The following PCDHGB2 variants were observed in gnomAD, a reference collection of about 807,000 sequenced individuals.
The protein encoded by PCDHGB2 is protocadherin gamma subfamily B, 2.
PCDHGB2 carries 55 observed loss-of-function variants against 59.3 expected under a neutral mutation model. That is an observed-to-expected ratio of 0.93 (90% CI 0.75 to 1.16). The LOEUF (loss-of-function observed/expected upper bound fraction) is 1.16, where lower values mean the gene tolerates loss of function less well. PCDHGB2 is among the 50% of genes most tolerant of loss of function. The pLI is 0.00. For synonymous variants in PCDHGB2, 516 were observed against 512.0 expected, an observed-to-expected ratio of 1.01 and a Z score of -0.11; for missense variants, 1,228 against 1,198.5, an observed-to-expected ratio of 1.02 and a Z score of -0.36.
At chr5:141,402,514 AAT>A (rs1200847622) in intron 1 of PCDHGB2, among the ~76,000 whole-genome samples, 1 of 152,218 alleles carries the variant, frequency 6.6e-6, no homozygotes, top group East Asian at 1.9e-4. Flanking sequence ...AATATTAAGC[AAT>A]GGTTTGTGAT....
At chr5:141,375,097 G>A in intron 1 of PCDHGB2, 1 of 1,613,904 alleles carries the variant, frequency 6.2e-7, no homozygotes, top group Non-Finnish European at 8.5e-7. Flanking sequence ...TAACTATCTT[G>A]GATGTCAATG....
intron 1 of PCDHGB2, chr5:141,374,330 A>T: frequency 6.2e-7 from 1 of 1,613,990 alleles, no homozygotes; most frequent in Non-Finnish European, 8.5e-7. Flanking sequence ...GCGAAACGGC[A>T]GCTTGGTCAC....
intron 2 of PCDHGB2, among the ~76,000 whole-genome samples, chr5:141,503,940 C>G (rs890249753): frequency 6.6e-6 from 1 of 152,218 alleles, no homozygotes; most frequent in Non-Finnish European, 1.5e-5. Flanking sequence ...TTCATGCCTT[C>G]AAGGCCTACC....
intron 1 of PCDHGB2, chr5:141,420,219 T>C: frequency 6.2e-7 from 1 of 1,607,100 alleles, no homozygotes. Flanking sequence ...GATAGCATGC[T>C]ACTGGCTAGC....
intron 1 of PCDHGB2, chr5:141,430,604 A>C (rs1288378907): frequency 7.8e-6 from 5 of 641,158 alleles, no homozygotes; most frequent in Non-Finnish European, 1.2e-5. Context: ...CGCCTGAAGC[A>C]CAAAGCAGAT....
chr5:141,408,316 G>T (rs1407149479), intron 1 of PCDHGB2: 2 of 1,613,750 alleles, frequency 1.2e-6, no homozygotes, highest in African/African-American at 1.3e-5. Flanking sequence ...ACTCGATTCC[G>T]GAGGAGCTGG....
At chr5:141,390,887 T>A (rs547559021) in intron 1 of PCDHGB2, 2,724 of 151,184 alleles carry the variant, frequency 0.018, 30 homozygotes, top group African/African-American at 0.021. Flanking sequence ...TGTGTGTGTG[T>A]GAGAGAGATC....
intron 1 of PCDHGB2, chr5:141,392,740 G>A: frequency 1.4e-6 from 2 of 1,435,578 alleles, no homozygotes. Context: ...CATCTCCATA[G>A]CTGCGGCAAG....
At chr5:141,374,884 C>A in intron 1 of PCDHGB2, 3 of 1,613,714 alleles carry the variant, frequency 1.9e-6, no homozygotes, top group Non-Finnish European at 1.7e-6. Context: ...TGACTGCCAC[C>A]GACCAGGATG....
chr5:141,418,751 A>G (rs2096284782), intron 1 of PCDHGB2: 2 of 1,613,840 alleles, frequency 1.2e-6, no homozygotes, highest in African/African-American at 2.7e-5. Context: ...GGATTACACT[A>G]CAGGAAACAT....
At position 141,423,488 on chromosome 5, in the gene PCDHGB2, A is replaced by G. The variant is rs141810253; in HGVS notation, c.2421+60932A>G. The G allele has an allele frequency of 9.2e-4, 1,481 of 1,613,946 alleles. 7 individuals carry two copies. The highest frequency in any genetic ancestry group is 3.0e-3 in the Middle Eastern group (18 of 6,062). On this transcript the variant is annotated intron_variant, in intron 1 of 3. Transcript: ENST00000522605. The stretch of plus-strand genomic sequence containing the variant: ...GGGGTACAGGCTTTCCTGCAAACCT[A>G]TTCCCACGAGGTCTCTCTCATTGCG...
rs747268184 is a variant in PCDHGB2, at chr5:141,489,769, C to A, written c.2422-5038C>A. On this transcript the variant is annotated intron_variant, in intron 1 of 3. Coordinates refer to ENST00000522605, the MANE Select transcript of PCDHGB2 (RefSeq NM_018923.3). This position sits in a 1 kb window ranked among gnomAD's most constrained non-coding sequence, Gnocchi z 4.5. ...CTTTTACACTCTAAGCCCCAACAGC[C>A]ACTTCTCTCTGAATGTGAAGACCCT... The A allele has an allele frequency of 6.2e-7, 1 of 1,614,156 alleles. No individual in the cohort carries two copies. The highest frequency in any genetic ancestry group is 1.1e-5 in the South Asian group (1 of 91,080).
At chr5:141,460,989 A>G (rs199888312) in intron 1 of PCDHGB2, among the ~76,000 whole-genome samples, 3,445 of 98,242 alleles carry the variant, frequency 0.035, 55 homozygotes, top group African/African-American at 0.064. Context: ...GTGTGTATAT[A>G]TATATATGTG....
Position 141,485,495 on chromosome 5 carries a change from T to C in PCDHGB2, c.2422-9312T>C. 1 of 1,613,494 alleles carries C rather than the reference T, an allele frequency of 6.2e-7. No homozygotes were observed. Among genetic ancestry groups the C allele is most frequent in the African/African-American group, 1.3e-5 (1 of 74,780 alleles). On this transcript the variant is annotated intron_variant, in intron 1 of 3. Coordinates refer to ENST00000522605, the MANE Select transcript of PCDHGB2 (RefSeq NM_018923.3). This position sits in a 1 kb window ranked among gnomAD's most constrained non-coding sequence, Gnocchi z 5.7. ...TGCCAGCTGCATCGTGCCCCTGGAG[T>C]TTGTCACCGAAGGTCCTTTGGAAAT...
At chr5:141,364,976 G>A (rs781674344) in intron 1 of PCDHGB2, 1 of 1,613,902 alleles carries the variant, frequency 6.2e-7, no homozygotes, top group Middle Eastern at 1.6e-4. Flanking sequence ...CACAGCTTTA[G>A]ATGGCGGAGA....
intron 1 of PCDHGB2, among the ~76,000 whole-genome samples, chr5:141,401,078 T>A (rs2094109579): frequency 6.6e-6 from 1 of 152,226 alleles, no homozygotes; most frequent in South Asian, 2.1e-4. Flanking sequence ...GTGCAGTGGC[T>A]CATGCCTGTA....
At chr5:141,403,890 C>A in intron 1 of PCDHGB2, 1 of 1,613,714 alleles carries the variant, frequency 6.2e-7, no homozygotes, top group Non-Finnish European at 8.5e-7. Flanking sequence ...GAAGAATGTT[C>A]ATTTTATGAA....
At position 141,491,899 on chromosome 5, in the gene PCDHGB2, G is replaced by A; in HGVS notation, c.2422-2908G>A. The A allele has an allele frequency of 7.0e-7, 1 of 1,433,322 alleles. No homozygotes were observed. Among genetic ancestry groups the A allele is most frequent in the South Asian group, 1.5e-5 (1 of 67,156 alleles). The allele number at this position is 1,433,322 out of a possible 1,614,324, so 88.8% of individuals were successfully genotyped here. A position where few individuals can be genotyped will look rare whatever the true frequency, so the allele number is the denominator to read the frequency against. On this transcript the variant is annotated intron_variant, in intron 1 of 3. Coordinates refer to ENST00000522605, the MANE Select transcript of PCDHGB2 (RefSeq NM_018923.3). The surrounding 1 kb of genome is among the most constrained non-coding windows in gnomAD (Gnocchi z 6.9). ...TTAAGGGATGGGGCTCCGAGCACCG[G>A]GGGTGGTGGCGACTGTGGGCGAGGG... is the stretch of plus-strand genomic sequence containing the variant.
intron 1 of PCDHGB2, chr5:141,423,010 G>C: frequency 6.2e-7 from 1 of 1,614,226 alleles, no homozygotes; most frequent in South Asian, 1.1e-5. Context: ...GGTGGTTGCG[G>C]TGGACAAAGA....
Sources: gnomAD v4.1 joint callset for allele counts (sites outside exome capture counted in the v4.1 genomes callset) on GRCh38, gnomAD v4.1.1 for gene constraint, Gnocchi (gnomAD v3.1) non-coding constraint, MANE v1.5 for transcripts, NCBI Gene and HGNC (gene_info 2026-07-23, HGNC 2026-07-21) for gene names.